The following INPP4B variants were observed in gnomAD, a reference collection of about 807,000 sequenced individuals.
INPP4B encodes inositol polyphosphate-4-phosphatase type II B.
In INPP4B, 55 loss-of-function variants were observed where a neutral mutation model predicts 122.5. That is an observed-to-expected ratio of 0.45 (90% CI 0.36 to 0.56). The LOEUF is 0.56. INPP4B is among the 20% of genes least tolerant of loss of function. The probability of loss-of-function intolerance (pLI) is 0.00; values close to 1 mark genes in which losing one functional copy is unlikely to be tolerated. For synonymous variants in INPP4B, 403 were observed against 388.7 expected, an observed-to-expected ratio of 1.04 and a Z score of -0.43; for missense variants, 1,000 against 1,097.7, an observed-to-expected ratio of 0.91 and a Z score of 1.26.
chr4:142,260,362 C>T (rs1739281470), intron 11 of INPP4B, 130 bp downstream of exon 11: 1 of 675,086 alleles, frequency 1.5e-6, no homozygotes, highest in African/African-American at 1.8e-5. Context: ...TTCTGCTGGC[C>T]CCTTATGATT....
At chr4:142,296,751 T>A (rs1462982644) in intron 9 of INPP4B, among the ~76,000 whole-genome samples, 6 of 152,214 alleles carry the variant, frequency 3.9e-5, no homozygotes, top group Non-Finnish European at 8.8e-5. Context: ...TCTACCTCTT[T>A]ACTGTCCTAA....
intron 2 of INPP4B, among the ~76,000 whole-genome samples, chr4:142,620,754 A>G (rs1299502447): frequency 4.6e-5 from 7 of 152,036 alleles, no homozygotes; most frequent in Admixed American, 4.6e-4. Flanking sequence ...TCAAAAGAAA[A>G]ATTCAAGTTT....
At chr4:142,773,584 T>A (rs1011169209) in intron 1 of INPP4B, among the ~76,000 whole-genome samples, 3 of 152,200 alleles carry the variant, frequency 2.0e-5, no homozygotes, top group African/African-American at 4.8e-5. Context: ...AGAGCTAAAA[T>A]TTTAAAGCAG....
intron 8 of INPP4B, among the ~76,000 whole-genome samples, chr4:142,306,817 A>G (rs996978933): frequency 6.6e-6 from 1 of 152,130 alleles, no homozygotes; most frequent in African/African-American, 2.4e-5. Flanking sequence ...CAAGGCTGCA[A>G]TGAGCTAAGA....
intron 23 of INPP4B, among the ~76,000 whole-genome samples, chr4:142,088,223 C>T (rs1359703826): frequency 6.6e-6 from 1 of 152,086 alleles, no homozygotes; most frequent in Non-Finnish European, 1.5e-5. Flanking sequence ...TAAAATCAGA[C>T]CAGGACTTGG....
intron 11 of INPP4B, among the ~76,000 whole-genome samples, chr4:142,246,167 A>G (rs1469669080): frequency 2.6e-5 from 4 of 151,222 alleles, no homozygotes; most frequent in Non-Finnish European, 5.9e-5. Flanking sequence ...TTTTGGTACC[A>G]GTACCATGCT....
At chr4:142,594,910 G>A (rs571161881) in intron 2 of INPP4B, among the ~76,000 whole-genome samples, 14 of 143,874 alleles carry the variant, frequency 9.7e-5, no homozygotes, top group African/African-American at 2.6e-4. Context: ...AGCCAAGATC[G>A]CGTCACTGCA....
chr4:142,792,962 G>T (rs1297959829), intron 1 of INPP4B, among the ~76,000 whole-genome samples: 1 of 151,960 alleles, frequency 6.6e-6, no homozygotes, highest in Admixed American at 6.6e-5. Flanking sequence ...TTACTAGATA[G>T]ACATTGGCAA....
At chr4:142,592,194 T>C (rs767691808) in intron 2 of INPP4B, among the ~76,000 whole-genome samples, 52 of 152,320 alleles carry the variant, frequency 3.4e-4, no homozygotes, top group Non-Finnish European at 6.6e-4. Flanking sequence ...GCAGCAAATA[T>C]GTGTTTTTCC....
chr4:142,661,214 T>C (rs921896753), intron 2 of INPP4B, among the ~76,000 whole-genome samples: 3 of 152,228 alleles, frequency 2.0e-5, no homozygotes, highest in African/African-American at 7.2e-5. Context: ...GGCTAAATTT[T>C]TGTGGCCTTG....
intron 2 of INPP4B, among the ~76,000 whole-genome samples, chr4:142,620,327 A>G (rs1744619244): frequency 6.6e-6 from 1 of 152,064 alleles, no homozygotes; most frequent in Admixed American, 6.6e-5. Flanking sequence ...ACAGCTGTAG[A>G]AAAGAGCGAG....
At chr4:142,182,527 A>T (rs1424212994) in intron 15 of INPP4B, among the ~76,000 whole-genome samples, 1 of 121,454 alleles carries the variant, frequency 8.2e-6, no homozygotes, top group African/African-American at 3.0e-5. Flanking sequence ...CAGCCTGGTG[A>T]CAGAGCGAGA....
rs6827382 is a variant in INPP4B at position 142,363,290 on chromosome 4, C to A, written c.372+39648G>T. Among the ~76,000 whole-genome samples the A allele has an allele frequency of 9.9e-3, 1,509 of 151,988 alleles. 34 individuals are homozygous for A. The highest frequency in any genetic ancestry group is 0.035 in the African/African-American group (1,438 of 41,474). Reference sequence around the variant, plus strand: ...TCAATTTTAAAAATTTCAAGGGCTACTCCTCCAGTTATGCCATGCAATTAA... The same window carrying A: ...TCAATTTTAAAAATTTCAAGGGCTAATCCTCCAGTTATGCCATGCAATTAA... On this transcript the variant is annotated intron_variant, in intron 7 of 25. Coordinates refer to ENST00000262992, the MANE Select transcript of INPP4B (RefSeq NM_001101669.3).
intron 9 of INPP4B, among the ~76,000 whole-genome samples, chr4:142,296,239 T>C (rs1358980141): frequency 6.6e-6 from 1 of 152,164 alleles, no homozygotes; most frequent in Non-Finnish European, 1.5e-5. Context: ...AAGTGCTAAT[T>C]GGTTTCCATG....
rs376023009 is a variant in INPP4B at position 142,124,636 on chromosome 4, G to C, written c.1845C>G (p.Pro615=). Residue 615 remains proline (P), a synonymous_variant, in exon 19 of 26, where the codon CCC becomes CCG. Transcript: ENST00000262992. ...VLLQELAYSL[P]QCLMLTLRRD... ...TTCTTAGCGTCAGCATCAGACACTG[G>C]GGCAAGCTGTACGCAAGTTCCTGAA... The C allele has an allele frequency of 1.2e-6, 2 of 1,613,498 alleles. No individual in the cohort carries two copies. The highest frequency in any genetic ancestry group is 2.2e-5 in the East Asian group (1 of 44,836).
At chr4:142,089,436 A>ACC (rs1216898928) in intron 23 of INPP4B, among the ~76,000 whole-genome samples, 3 of 128,184 alleles carry the variant, frequency 2.3e-5, no homozygotes, top group Admixed American at 2.3e-4. Flanking sequence ...AGATGTTCTC[A>ACC]CCACACACAC....
intron 2 of INPP4B, among the ~76,000 whole-genome samples, chr4:142,534,111 C>T (rs1172310586): frequency 6.6e-6 from 1 of 152,110 alleles, no homozygotes; most frequent in Non-Finnish European, 1.5e-5. Flanking sequence ...GGATATGTAT[C>T]TTGATTGACA....
At chr4:142,415,854 G>A (rs1429991045) in intron 5 of INPP4B, among the ~76,000 whole-genome samples, 2 of 151,976 alleles carry the variant, frequency 1.3e-5, no homozygotes, top group Non-Finnish European at 2.9e-5. Flanking sequence ...TCCTTTGTAG[G>A]GACATGGATG....
chr4:142,141,290 ATATTG>A (rs1807693464), intron 18 of INPP4B, among the ~76,000 whole-genome samples: 1 of 152,154 alleles, frequency 6.6e-6, no homozygotes, highest in Non-Finnish European at 1.5e-5. Flanking sequence ...ACCGGCAGAG[ATATTG>A]TAGATAAGCT....
Sources: gnomAD v4.1 joint callset for allele counts (sites outside exome capture counted in the v4.1 genomes callset) on GRCh38, gnomAD v4.1.1 for gene constraint, MANE v1.5 for transcripts, NCBI Gene and HGNC (gene_info 2026-07-23, HGNC 2026-07-21) for gene names.